The following PRORP variants were observed in gnomAD, a reference collection of about 807,000 sequenced individuals.
PRORP encodes mitochondrial ribonuclease P catalytic subunit.
In PRORP, 51 loss-of-function variants were observed where a neutral mutation model predicts 59.4. The observed-to-expected ratio is 0.86, with a 90% CI of 0.69 to 1.08. The LOEUF (loss-of-function observed/expected upper bound fraction) is 1.08. Among genes scored for constraint, PRORP ranks in the 50% least tolerant of loss-of-function variants. The pLI, the probability that PRORP is intolerant of heterozygous loss-of-function variation, is 0.00. For missense variants in PRORP, 646 were observed against 690.3 expected, an observed-to-expected ratio of 0.94 and a Z score of 0.72; for synonymous variants, 231 against 245.6, an observed-to-expected ratio of 0.94 and a Z score of 0.55.
chr14:35,270,436 T>A lies in PRORP; in HGVS notation c.1460T>A (p.Leu487Gln). ...GATCCATTCCTTCTGTATGCCACAC[T>A]GCACTCCGGGAATCACTGCAGGTTT... The part of the protein sequence containing the change: ...EDDPFLLYAT[L>Q]HSGNHCRFIT... The change falls in exon 7 of 8, where the codon CTG becomes CAG. Residue 487 changes from leucine to glutamine, a missense_variant. By Grantham distance (113) the Leu-to-Gln change is moderately radical. Coordinates refer to ENST00000534898, the MANE Select transcript of PRORP (RefSeq NM_014672.4). The A allele has an allele frequency of 6.2e-7, 1 of 1,614,128 alleles. No individual in the cohort carries two copies. Among genetic ancestry groups the A allele is most frequent in the Non-Finnish European group, 8.5e-7 (1 of 1,180,028 alleles).
chr14:35,121,935 G>T, upstream of PRORP: 3 of 1,614,154 alleles, frequency 1.9e-6, no homozygotes, highest in Non-Finnish European at 2.5e-6. Flanking sequence ...GCTAGGCGCC[G>T]ACGAAGAACT....
chr14:35,175,892 T>C lies in PRORP; in HGVS notation c.1168-4778T>C, dbSNP rs372313710. On this transcript the variant is annotated intron_variant, in intron 4 of 7. Transcript: ENST00000534898. ...GTTTTAGGTCTAACATTTAAGTCTT[T>C]AATCCAACTTGAATTAATTTTTGTA... 7.2e-5 allele frequency among the ~76,000 whole-genome samples: 11 copies of C among 152,360 alleles called. No individual in the cohort carries two copies. In the South Asian group the frequency reaches 8.3e-4, roughly 11 times the overall value.
At chr14:35,130,043 T>C (rs2047199165) in intron 4 of PRORP, among the ~76,000 whole-genome samples, 1 of 150,476 alleles carries the variant, frequency 6.6e-6, no homozygotes, top group South Asian at 2.1e-4. Flanking sequence ...TTTTTTTTTT[T>C]TTTTTGAGAC....
At chr14:35,158,349 C>A in intron 4 of PRORP, 1 of 295,928 alleles carries the variant, frequency 3.4e-6, no homozygotes, top group South Asian at 5.4e-5. Flanking sequence ...AAACAATGTT[C>A]ACCATTTTCA....
chr14:35,240,473 C>T (rs1022194692), intron 5 of PRORP, among the ~76,000 whole-genome samples: 1 of 146,380 alleles, frequency 6.8e-6, no homozygotes, highest in African/African-American at 2.4e-5. Flanking sequence ...GTGGTGCCTC[C>T]CACCTTCTTT....
chr14:35,185,366 G>A (rs1465865352), intron 5 of PRORP, among the ~76,000 whole-genome samples: 1 of 151,854 alleles, frequency 6.6e-6, no homozygotes, highest in Admixed American at 6.6e-5. Context: ...CTTTTTAATG[G>A]GATTGTTTTT....
At chr14:35,218,254 G>A (rs547953145) in intron 5 of PRORP, among the ~76,000 whole-genome samples, 2 of 151,840 alleles carry the variant, frequency 1.3e-5, no homozygotes, top group East Asian at 3.9e-4. Context: ...GAGCCTAGGA[G>A]TTCGAGACCA....
At chr14:35,253,546 CA>C (rs2050673180) in intron 5 of PRORP, among the ~76,000 whole-genome samples, 1 of 152,086 alleles carries the variant, frequency 6.6e-6, no homozygotes, top group African/African-American at 2.4e-5. Context: ...ATTGTTTGCT[CA>C]GACAAAATAG....
intron 5 of PRORP, among the ~76,000 whole-genome samples, chr14:35,246,962 G>A (rs867405255): frequency 6.6e-6 from 1 of 152,082 alleles, no homozygotes; most frequent in Non-Finnish European, 1.5e-5. Flanking sequence ...CATTTATTGA[G>A]TATTTTCCCA....
intron 5 of PRORP, among the ~76,000 whole-genome samples, chr14:35,229,209 C>T (rs867173288): frequency 7.2e-5 from 11 of 151,946 alleles, no homozygotes; most frequent in Admixed American, 6.6e-5. Context: ...TTGTTGGATG[C>T]GTAGTTTGCG....
At chr14:35,180,526 CTGTG>C (rs3058430) in intron 4 of PRORP, 140 bp from the exon 5 acceptor site, 579 of 536,054 alleles carry the variant, frequency 1.1e-3, no homozygotes, top group African/African-American at 6.9e-3. Flanking sequence ...TGTAGAGTAT[CTGTG>C]TGTGTGTGTG....
intron 5 of PRORP, chr14:35,263,184 TAACA>T (rs1425522370): frequency 1.5e-6 from 1 of 646,538 alleles, no homozygotes; most frequent in Non-Finnish European, 2.6e-6. Flanking sequence ...AAATAGACAT[TAACA>T]ATCTTTGGGT....
At chr14:35,167,590 T>C (rs1444789049) in intron 4 of PRORP, among the ~76,000 whole-genome samples, 1 of 152,216 alleles carries the variant, frequency 6.6e-6, no homozygotes, top group Non-Finnish European at 1.5e-5. Flanking sequence ...TTCCCCTAGC[T>C]ACATTAAGGC....
chr14:35,267,006 G>A (rs1389782009), intron 6 of PRORP, 131 bp downstream of exon 6: 3 of 736,712 alleles, frequency 4.1e-6, no homozygotes, highest in Non-Finnish European at 5.9e-6. Context: ...AAAAAAAAAA[G>A]ATTTGAGACA....
intron 4 of PRORP, among the ~76,000 whole-genome samples, chr14:35,128,627 G>T (rs891806746): frequency 2.0e-5 from 3 of 151,956 alleles, no homozygotes; most frequent in African/African-American, 7.2e-5. Flanking sequence ...TTGGCATATG[G>T]TTGCTCATAG....
At chr14:35,172,404 G>GTTTC (rs1177373189) in intron 4 of PRORP, among the ~76,000 whole-genome samples, 2 of 99,878 alleles carry the variant, frequency 2.0e-5, no homozygotes, top group South Asian at 3.7e-4. Flanking sequence ...CTTTGGATTG[G>GTTTC]TTTCTTTCTT....
chr14:35,130,522 C>T (rs954696856), intron 4 of PRORP, among the ~76,000 whole-genome samples: 4 of 151,584 alleles, frequency 2.6e-5, no homozygotes, highest in South Asian at 4.2e-4. Context: ...CACTCTGTCG[C>T]CCAGGTTGGA....
At chr14:35,166,773 C>T (rs1484345240) in intron 4 of PRORP, among the ~76,000 whole-genome samples, 1 of 152,104 alleles carries the variant, frequency 6.6e-6, no homozygotes, top group Non-Finnish European at 1.5e-5. Flanking sequence ...TAAGGCAAAG[C>T]TCCTAACGTA....
intron 5 of PRORP, among the ~76,000 whole-genome samples, chr14:35,197,294 A>C (rs2049032917): frequency 6.6e-6 from 1 of 152,186 alleles, no homozygotes; most frequent in Non-Finnish European, 1.5e-5. Flanking sequence ...GTGTGGTAGG[A>C]AGAGGCCACT....
Sources: allele counts gnomAD v4.1 joint callset (sites outside exome capture counted in the v4.1 genomes callset), GRCh38; gene constraint gnomAD v4.1.1; transcripts MANE v1.5; gene names NCBI Gene and HGNC (gene_info 2026-07-23, HGNC 2026-07-21).